Variants in ROBO1 observed in about 807,000 individuals in gnomAD.
ROBO1 encodes the protein roundabout homolog 1.
Under a neutral mutation model 195.9 loss-of-function variants are expected in ROBO1, and 149 were observed. That is an observed-to-expected ratio of 0.76 (90% confidence interval 0.67 to 0.87). ROBO1 has a LOEUF of 0.87. ROBO1 is among the 40% of genes least tolerant of loss of function. ROBO1 has a pLI of 0.00. For synonymous variants in ROBO1, 816 were observed against 733.2 expected (o/e 1.11, Z -1.82); for missense variants, 1,933 against 2,068.3 (o/e 0.93, Z 1.27).
At chr3:78,698,912 A>G (rs995083709) in intron 8 of ROBO1, among the ~76,000 whole-genome samples, 9 of 152,218 alleles carry the variant, frequency 5.9e-5, no homozygotes, top group African/African-American at 1.9e-4. Flanking sequence ...GTTGGTAGTT[A>G]CTTGTCTACT....
chr3:79,508,877 ATTGT>A lies in ROBO1; in HGVS notation c.88+80943_88+80946del, dbSNP rs1940550871. Among the ~76,000 whole-genome samples, 5 of 152,298 alleles carry A rather than the reference ATTGT, an allele frequency of 3.3e-5. 1 individual carries two copies. In the South Asian group the frequency reaches 1.0e-3, roughly 32 times the overall value. Reference sequence around the variant, plus strand: ...AATATGTGGGCTTTATTGGCATATAATTGTTTAGTTTACTTTTCTTAGAATCATG... The same window carrying A: ...AATATGTGGGCTTTATTGGCATATAATTAGTTTACTTTTCTTAGAATCATG... On this transcript the variant is annotated intron_variant, in intron 2 of 30. Coordinates refer to ENST00000464233, the MANE Select transcript of ROBO1 (RefSeq NM_002941.4).
intron 2 of ROBO1, among the ~76,000 whole-genome samples, chr3:79,543,258 A>T (rs1942143780): frequency 6.6e-6 from 1 of 152,064 alleles, no homozygotes; most frequent in Non-Finnish European, 1.5e-5. Context: ...AGCAATTGTA[A>T]AGGGTAAGAT....
At chr3:78,599,593 C>T (rs578144972) in intron 30 of ROBO1, among the ~76,000 whole-genome samples, 2 of 151,964 alleles carry the variant, frequency 1.3e-5, no homozygotes, top group South Asian at 2.1e-4. Flanking sequence ...TCAAGGCTAA[C>T]AAGAGAGTAT....
At chr3:79,766,235 G>C (rs2107540153) in intron 1 of ROBO1, among the ~76,000 whole-genome samples, 1 of 151,926 alleles carries the variant, frequency 6.6e-6, no homozygotes, top group South Asian at 2.1e-4. Flanking sequence ...CCTGACCATT[G>C]ACCATAATTG....
chr3:79,601,266 G>T (rs1944331033), intron 1 of ROBO1, among the ~76,000 whole-genome samples: 1 of 151,946 alleles, frequency 6.6e-6, no homozygotes, highest in Admixed American at 6.6e-5. Context: ...ACAATAGATG[G>T]TTTCATTCGG....
chr3:79,441,558 A>G (rs899111408), intron 2 of ROBO1, among the ~76,000 whole-genome samples: 11 of 152,142 alleles, frequency 7.2e-5, no homozygotes, highest in African/African-American at 2.7e-4. Flanking sequence ...CATTTTTTAC[A>G]GCGAGAAAAT....
intron 2 of ROBO1, among the ~76,000 whole-genome samples, chr3:79,265,211 T>C (rs2083016898): frequency 6.6e-6 from 1 of 151,884 alleles, no homozygotes; most frequent in African/African-American, 2.4e-5. Flanking sequence ...TTGTTTCTGT[T>C]AACTTTCTCA....
chr3:78,815,617 A>T (rs1367985732), intron 4 of ROBO1, among the ~76,000 whole-genome samples: 1 of 9,134 alleles, frequency 1.1e-4, no homozygotes, highest in African/African-American at 1.2e-4. Context: ...CAGTCTCTAG[A>T]ACTTGAGAGC....
At chr3:79,059,055 T>C (rs2078865455) in intron 3 of ROBO1, among the ~76,000 whole-genome samples, 1 of 152,054 alleles carries the variant, frequency 6.6e-6, no homozygotes, top group African/African-American at 2.4e-5. Context: ...TTTAAGACAG[T>C]CTGTTATTTG....
chr3:79,493,835 T>G (rs1939593678), intron 2 of ROBO1, among the ~76,000 whole-genome samples: 1 of 152,222 alleles, frequency 6.6e-6, no homozygotes, highest in South Asian at 2.1e-4. Flanking sequence ...ATTCATCATT[T>G]CTTTTGTTAG....
chr3:79,582,390 T>C (rs909131986), intron 2 of ROBO1, among the ~76,000 whole-genome samples: 1 of 151,718 alleles, frequency 6.6e-6, no homozygotes, highest in Non-Finnish European at 1.5e-5. Context: ...TTTTTTTCTA[T>C]ATTCTATTAT....
intron 2 of ROBO1, among the ~76,000 whole-genome samples, chr3:79,524,498 A>G (rs972442828): frequency 1.3e-5 from 2 of 152,086 alleles, no homozygotes; most frequent in Non-Finnish European, 2.9e-5. Flanking sequence ...ATATGTCTAC[A>G]ATTTGTTAAA....
intron 2 of ROBO1, among the ~76,000 whole-genome samples, chr3:79,326,593 G>T (rs893878387): frequency 2.0e-5 from 3 of 152,166 alleles, no homozygotes; most frequent in Non-Finnish European, 1.5e-5. Flanking sequence ...AGGGATATGT[G>T]AGAGAACCTA....
At chr3:79,014,174 A>C (rs2077861857) in intron 3 of ROBO1, among the ~76,000 whole-genome samples, 1 of 152,196 alleles carries the variant, frequency 6.6e-6, no homozygotes, top group Non-Finnish European at 1.5e-5. Context: ...ATATTTTCAG[A>C]AATCCACTTT....
chr3:79,480,167 G>C (rs982923796), intron 2 of ROBO1, among the ~76,000 whole-genome samples: 14 of 152,040 alleles, frequency 9.2e-5, no homozygotes, highest in African/African-American at 3.4e-4. Flanking sequence ...GGATTTTATT[G>C]CCAGAATGCC....
At chr3:79,268,110 A>G (rs1352618) in intron 2 of ROBO1, among the ~76,000 whole-genome samples, 2,554 of 151,762 alleles carry the variant, frequency 0.017, 65 homozygotes, top group African/African-American at 0.057. Flanking sequence ...AGAAAAAATT[A>G]TCACAGGTAC....
At chr3:78,904,675 T>C (rs1023110798) in intron 4 of ROBO1, among the ~76,000 whole-genome samples, 2 of 151,270 alleles carry the variant, frequency 1.3e-5, no homozygotes, top group African/African-American at 4.8e-5. Flanking sequence ...TGTGTGTATG[T>C]ATATGTATAC....
chr3:78,895,817 A>C (rs2037192843), intron 4 of ROBO1, among the ~76,000 whole-genome samples: 1 of 152,214 alleles, frequency 6.6e-6, no homozygotes, highest in South Asian at 2.1e-4. Context: ...AAAAATCTGG[A>C]CACAACATTT....
intron 2 of ROBO1, among the ~76,000 whole-genome samples, chr3:79,341,864 T>C (rs1395705523): frequency 6.6e-6 from 1 of 152,176 alleles, no homozygotes; most frequent in Non-Finnish European, 1.5e-5. Flanking sequence ...TTCTTTTGCG[T>C]TTTCTACACT....
Sources: allele counts gnomAD v4.1 joint callset (sites outside exome capture counted in the v4.1 genomes callset), GRCh38; gene constraint gnomAD v4.1.1; transcripts MANE v1.5; gene names NCBI Gene and HGNC (gene_info 2026-07-23, HGNC 2026-07-21).